Variants in MYO3A observed in about 807,000 individuals in gnomAD.
MYO3A encodes myosin-IIIa.
A neutral mutation model predicts 192.7 loss-of-function variants in MYO3A; 180 were observed. The ratio of observed to expected loss-of-function variants is 0.93; its 90% CI spans 0.83 to 1.06. MYO3A has a LOEUF of 1.06. Among genes scored for constraint, MYO3A ranks in the 50% least tolerant of loss-of-function variants. The probability of loss-of-function intolerance (pLI) is 0.00; values close to 1 mark genes in which losing one functional copy is unlikely to be tolerated. For missense variants in MYO3A, 1,896 were observed against 1,905.0 expected (o/e 1.00, Z 0.09); for synonymous variants, 628 against 645.3 (o/e 0.97, Z 0.41).
chr10:26,178,028 T>A (rs920948487), intron 31 of MYO3A, among the ~76,000 whole-genome samples: 3 of 152,238 alleles, frequency 2.0e-5, no homozygotes, highest in Non-Finnish European at 4.4e-5. Context: ...GAGAGCCTCC[T>A]GCTGTGAAGA....
At chr10:26,105,199 T>G (rs1837723080) in intron 17 of MYO3A, among the ~76,000 whole-genome samples, 1 of 152,172 alleles carries the variant, frequency 6.6e-6, no homozygotes, top group Non-Finnish European at 1.5e-5. Context: ...CTGGTTCATT[T>G]CTTTCTGTGG....
chr10:26,198,970 A>G (rs570314027), intron 32 of MYO3A, among the ~76,000 whole-genome samples: 1 of 152,304 alleles, frequency 6.6e-6, no homozygotes, highest in African/African-American at 2.4e-5. Flanking sequence ...CCCACTATAA[A>G]GTCCGTGTAA....
chr10:26,095,005 A>T (rs7910068), intron 15 of MYO3A, among the ~76,000 whole-genome samples: 106,503 of 151,966 alleles, frequency 0.7, 37,521 homozygotes, highest in Middle Eastern at 0.76. Flanking sequence ...CTAAGTTTGC[A>T]GATAAAGGCT....
At chr10:26,211,761 G>C (rs1484194934) in intron 34 of MYO3A, 82 bp from the exon 35 acceptor site, 3 of 1,593,836 alleles carry the variant, frequency 1.9e-6, no homozygotes, top group Non-Finnish European at 2.6e-6. Context: ...GGGAGGAAGA[G>C]GACCCGCCTA....
At chr10:26,209,071 A>G (rs997208176) in intron 34 of MYO3A, among the ~76,000 whole-genome samples, 1 of 152,056 alleles carries the variant, frequency 6.6e-6, no homozygotes, top group Non-Finnish European at 1.5e-5. Context: ...AACCCTCCAA[A>G]CTTCCTGGCT....
rs778480400 is a variant in MYO3A, at chr10:26,145,511, G to T, written c.2482G>T (p.Gly828Ter). Reference sequence around the variant, plus strand: ...ACCCAAAAGAATGGAACTTAGTTTTGGAATTCACCATTATGCAGGAAAGGT... The same window carrying T: ...ACCCAAAAGAATGGAACTTAGTTTTTGAATTCACCATTATGCAGGAAAGGT... ...WRPKRMELSF[G>*]IHHYAGKVLY... The change falls in exon 22 of 35, where the codon GGA becomes TGA. Residue 828 changes from glycine (G) to a stop codon, truncating the protein, a stop_gained. Transcript: ENST00000642920. LOFTEE classifies it high-confidence loss of function. The T allele has an allele frequency of 3.7e-6, 6 of 1,606,808 alleles. No homozygotes were observed. The Admixed American group carries it at 1.0e-4, about 27-fold the overall frequency.
intron 6 of MYO3A, among the ~76,000 whole-genome samples, chr10:26,003,176 C>T (rs545345023): frequency 1.9e-3 from 283 of 152,234 alleles, no homozygotes; most frequent in Middle Eastern, 3.4e-3. Flanking sequence ...ATGCCAGAGG[C>T]AAACTACTTA....
intron 18 of MYO3A, among the ~76,000 whole-genome samples, chr10:26,124,963 A>T (rs1839124217): frequency 6.6e-6 from 1 of 152,188 alleles, no homozygotes; most frequent in African/African-American, 2.4e-5. Context: ...ACATTTATTG[A>T]GGTATACCCC....
At position 25,934,288 on chromosome 10, in the gene MYO3A, C is replaced by T. The variant is rs1049589476; in HGVS notation, c.-145C>T. 1 of 152,360 alleles carries T rather than the reference C, an allele frequency of 6.6e-6. No individual in the cohort carries two copies. Among genetic ancestry groups the T allele is most frequent in the Admixed American group, 6.5e-5 (1 of 15,286 alleles). 9.4% of individuals were successfully genotyped at this position (152,360 alleles called of 1,614,324 possible). A position where few individuals can be genotyped will look rare whatever the true frequency, so the allele number is the denominator to read the frequency against. On this transcript the variant is annotated 5_prime_UTR_variant, in exon 1 of 35. Transcript: ENST00000642920. ...CTCGAGGGAGCGCCCGTAGCCAGCGCCCCCGTAAAGAAATAAGGAGGCGCC... is the reference window on the plus strand; with the variant it reads ...CTCGAGGGAGCGCCCGTAGCCAGCGTCCCCGTAAAGAAATAAGGAGGCGCC...
chr10:26,171,077 GGACA>G (rs1401985027), intron 29 of MYO3A, among the ~76,000 whole-genome samples: 6 of 152,138 alleles, frequency 3.9e-5, no homozygotes, highest in Non-Finnish European at 8.8e-5. Context: ...AGAAAAAACA[GGACA>G]GACAAACACA....
intron 2 of MYO3A, among the ~76,000 whole-genome samples, chr10:25,938,265 T>C (rs1372866122): frequency 6.6e-6 from 1 of 152,144 alleles, no homozygotes; most frequent in African/African-American, 2.4e-5. Flanking sequence ...GGAAAGCATC[T>C]AGGCAAAGAC....
intron 6 of MYO3A, among the ~76,000 whole-genome samples, chr10:26,008,466 A>G (rs1043577203): frequency 2.0e-5 from 3 of 148,178 alleles, no homozygotes; most frequent in Admixed American, 2.0e-4. Context: ...ATGGGAGAAA[A>G]TTTTCGCAAC....
At chr10:26,117,804 T>C (rs1361302015) in intron 17 of MYO3A, among the ~76,000 whole-genome samples, 2 of 152,164 alleles carry the variant, frequency 1.3e-5, no homozygotes, top group Non-Finnish European at 1.5e-5. Context: ...AATGAACATA[T>C]GCATACATGT....
At chr10:25,982,524 C>G (rs1211576307) in intron 4 of MYO3A, among the ~76,000 whole-genome samples, 1 of 152,092 alleles carries the variant, frequency 6.6e-6, no homozygotes, top group Non-Finnish European at 1.5e-5. Context: ...AAAACACAAC[C>G]AAAGACCTTC....
chr10:26,082,755 TTTCTC>T (rs1836046640), intron 14 of MYO3A, among the ~76,000 whole-genome samples: 1 of 115,724 alleles, frequency 8.6e-6, no homozygotes, highest in South Asian at 2.9e-4. Context: ...TCTCTCTCTT[TTTCTC>T]TCTCTCTCTC....
intron 10 of MYO3A, among the ~76,000 whole-genome samples, chr10:26,031,491 A>G (rs569052861): frequency 3.5e-4 from 54 of 152,186 alleles, no homozygotes; most frequent in African/African-American, 1.3e-3. Flanking sequence ...ACAGGCCCAC[A>G]CTGTAGGTGA....
chr10:26,033,580 C>G (rs572250093), intron 10 of MYO3A, among the ~76,000 whole-genome samples: 57 of 152,282 alleles, frequency 3.7e-4, no homozygotes, highest in African/African-American at 1.1e-3. Context: ...TCCATGTTGT[C>G]TCAACATTTG....
chr10:26,154,004 C>G (rs113065633), intron 24 of MYO3A, 75 bp downstream of exon 24: 2 of 1,057,894 alleles, frequency 1.9e-6, no homozygotes. Flanking sequence ...GTATGCTTCT[C>G]AAAGTCAACA....
rs193296963 is a variant in MYO3A at position 25,995,111 on chromosome 10, A to G, written c.304-1379A>G. On this transcript the variant is annotated intron_variant, in intron 4 of 34. Transcript: ENST00000642920. ...ATAATATCCTAAAGAGTGTTTTCCA[A>G]CTTGGTTCCATTGTCCCTGCCACTT... 7.9e-5 allele frequency among the ~76,000 whole-genome samples: 12 copies of G among 151,750 alleles called. No homozygotes were observed. In the East Asian group the frequency reaches 1.9e-3, roughly 24 times the overall value.
Sources: gnomAD v4.1 joint callset for allele counts (sites outside exome capture counted in the v4.1 genomes callset) on GRCh38, gnomAD v4.1.1 for gene constraint, MANE v1.5 for transcripts, NCBI Gene and HGNC (gene_info 2026-07-23, HGNC 2026-07-21) for gene names.